KCTD16: variants seen among roughly 807,000 people sequenced by gnomAD.
KCTD16 encodes potassium channel tetramerization domain containing 16, also known as BTB/POZ domain-containing protein KCTD16.
A neutral mutation model predicts 33.2 loss-of-function variants in KCTD16; 13 were observed. That is an observed-to-expected ratio of 0.39 (90% CI 0.25 to 0.62). KCTD16 has a LOEUF of 0.62. Among genes scored for constraint, KCTD16 ranks in the 20% least tolerant of loss-of-function variants. KCTD16 has a pLI of 0.50. For synonymous variants in KCTD16, 197 were observed against 195.3 expected (o/e 1.01, Z -0.07); for missense variants, 441 against 525.1 (o/e 0.84, Z 1.57).
intron 3 of KCTD16, among the ~76,000 whole-genome samples, chr5:144,277,079 T>G (rs1016496272): frequency 6.6e-6 from 1 of 152,186 alleles, no homozygotes; most frequent in African/African-American, 2.4e-5. Context: ...TTGCTGCATA[T>G]CCATAGATTT....
intron 3 of KCTD16, among the ~76,000 whole-genome samples, chr5:144,220,562 ATGTGTG>A (rs70995040): frequency 1.4e-4 from 21 of 150,340 alleles, no homozygotes; most frequent in Admixed American, 2.7e-4. Flanking sequence ...ATGTATATTT[ATGTGTG>A]TGTGTGTGTG....
At chr5:144,223,892 T>C (rs1002002787) in intron 3 of KCTD16, among the ~76,000 whole-genome samples, 1 of 152,106 alleles carries the variant, frequency 6.6e-6, no homozygotes, top group African/African-American at 2.4e-5. Context: ...TTTCTTCCTT[T>C]TATCCTGGTG....
intron 3 of KCTD16, among the ~76,000 whole-genome samples, chr5:144,216,205 T>A (rs1040419182): frequency 6.6e-5 from 10 of 152,248 alleles, no homozygotes; most frequent in African/African-American, 2.4e-4. Context: ...TTATTGAGTA[T>A]GTCACTGACA....
chr5:144,244,442 G>A (rs770246182), intron 3 of KCTD16, among the ~76,000 whole-genome samples: 1 of 152,200 alleles, frequency 6.6e-6, no homozygotes, highest in Admixed American at 6.5e-5. Flanking sequence ...TGGCTGTCAT[G>A]CAGTAGAAAG....
rs1319625377 is a variant in KCTD16, at chr5:144,281,470, GTTGT to G, written c.832+73927_832+73930del. ...TGGCTCATGAACTATTTAGAAGTGT[GTTGT>G]TTAACTTTTCAAATATTTGGGGATA... On this transcript the variant is annotated intron_variant, in intron 3 of 3. Coordinates refer to ENST00000512467, the MANE Select transcript of KCTD16 (RefSeq NM_020768.4). Among the ~76,000 whole-genome samples the G allele has an allele frequency of 3.9e-5, 6 of 152,174 alleles. 1 individual carries two copies. The East Asian group carries it at 5.8e-4, about 15-fold the overall frequency.
At chr5:144,443,492 CT>C (rs1302205585) in intron 3 of KCTD16, among the ~76,000 whole-genome samples, 1 of 151,528 alleles carries the variant, frequency 6.6e-6, no homozygotes. Flanking sequence ...TCATTTTCTG[CT>C]TTCATAAAGA....
At chr5:144,232,908 C>T (rs992837720) in intron 3 of KCTD16, among the ~76,000 whole-genome samples, 14 of 152,208 alleles carry the variant, frequency 9.2e-5, no homozygotes, top group Admixed American at 3.9e-4. Flanking sequence ...TACCATATTT[C>T]AAGTGCTCAA....
intron 2 of KCTD16, among the ~76,000 whole-genome samples, chr5:144,202,973 G>C (rs765704489): frequency 6.6e-6 from 1 of 152,016 alleles, no homozygotes; most frequent in African/African-American, 2.4e-5. Flanking sequence ...CATGGCCCCC[G>C]CACCTGTTCC....
intron 2 of KCTD16, among the ~76,000 whole-genome samples, chr5:144,174,811 A>G (rs1005135080): frequency 2.0e-5 from 3 of 152,256 alleles, no homozygotes; most frequent in Admixed American, 1.3e-4. Flanking sequence ...TGTTAAAAAT[A>G]AGTCTTTTAA....
chr5:144,331,304 C>T (rs1352587321), intron 3 of KCTD16, among the ~76,000 whole-genome samples: 1 of 152,116 alleles, frequency 6.6e-6, no homozygotes, highest in Non-Finnish European at 1.5e-5. Flanking sequence ...GATAATCAGA[C>T]CTCAAGGCAC....
intron 3 of KCTD16, among the ~76,000 whole-genome samples, chr5:144,244,160 T>C (rs186838194): frequency 2.0e-5 from 3 of 152,172 alleles, no homozygotes; most frequent in Non-Finnish European, 2.9e-5. Context: ...ATTTATGTCT[T>C]TGTGTAGCTC....
intron 3 of KCTD16, among the ~76,000 whole-genome samples, chr5:144,383,853 G>A (rs1042536089): frequency 1.3e-5 from 2 of 152,218 alleles, no homozygotes; most frequent in South Asian, 2.1e-4. Flanking sequence ...CCGAGGCTTA[G>A]CAGGCATTTC....
rs890971918 is a variant in KCTD16 at position 144,484,695 on chromosome 5, T to C, written c.*10581T>C. The C allele has an allele frequency of 6.6e-6, 1 of 151,970 alleles. No homozygotes were observed. The highest frequency in any genetic ancestry group is 1.5e-5 in the Non-Finnish European group (1 of 67,932). 9.4% of individuals were successfully genotyped at this position (151,970 alleles called of 1,614,324 possible). A position where few individuals can be genotyped will look rare whatever the true frequency, so the allele number is the denominator to read the frequency against. ...GAATTTTGCTGGTACTAATGCTGAG[T>C]GGTGACTTATTGGGGCCTTGCTCAT... is the stretch of plus-strand genomic sequence containing the variant. On this transcript the variant is annotated 3_prime_UTR_variant, in exon 4 of 4. Transcript: ENST00000512467.
At chr5:144,258,382 T>A (rs1007571341) in intron 3 of KCTD16, among the ~76,000 whole-genome samples, 1 of 152,164 alleles carries the variant, frequency 6.6e-6, no homozygotes, top group Non-Finnish European at 1.5e-5. Flanking sequence ...TTTATCATGG[T>A]ATTCAAGTTA....
intron 3 of KCTD16, 72 bp downstream of exon 3, chr5:144,207,618 T>A (rs1007620586): frequency 1.9e-6 from 2 of 1,074,472 alleles, no homozygotes; most frequent in African/African-American, 3.1e-5. Flanking sequence ...GTCTGTGTGT[T>A]CTCTCCATAC....
chr5:144,253,510 C>T (rs1754759823), intron 3 of KCTD16, among the ~76,000 whole-genome samples: 1 of 152,172 alleles, frequency 6.6e-6, no homozygotes. Context: ...ATTTATCAAA[C>T]ATATTCCTTC....
chr5:144,349,749 C>G (rs941195196), intron 3 of KCTD16, among the ~76,000 whole-genome samples: 1 of 152,142 alleles, frequency 6.6e-6, no homozygotes, highest in South Asian at 2.1e-4. Context: ...CCCAAGGATT[C>G]CATGCTGCCA....
intron 3 of KCTD16, among the ~76,000 whole-genome samples, chr5:144,404,599 G>A (rs555458696): frequency 1.3e-5 from 2 of 152,280 alleles, no homozygotes; most frequent in South Asian, 2.1e-4. Context: ...AAAGTGAAAA[G>A]CAGAAATATA....
intron 3 of KCTD16, among the ~76,000 whole-genome samples, chr5:144,278,832 T>C (rs921913636): frequency 6.6e-6 from 1 of 152,196 alleles, no homozygotes; most frequent in Admixed American, 6.5e-5. Context: ...AAACAGCTTG[T>C]CACTACCTCC....
Sources: gnomAD v4.1 joint callset for allele counts (sites outside exome capture counted in the v4.1 genomes callset) on GRCh38, gnomAD v4.1.1 for gene constraint, MANE v1.5 for transcripts, NCBI Gene and HGNC (gene_info 2026-07-23, HGNC 2026-07-21) for gene names.